The following THRB variants were observed in gnomAD, a reference collection of about 807,000 sequenced individuals.
THRB encodes the protein nuclear receptor subfamily 1 group A member 2.
Under a neutral mutation model 47.8 loss-of-function variants are expected in THRB, and 12 were observed. The ratio of observed to expected loss-of-function variants is 0.25; its 90% CI spans 0.16 to 0.41. The LOEUF (loss-of-function observed/expected upper bound fraction) is 0.41, where lower values mean the gene tolerates loss of function less well. Among genes scored for constraint, THRB ranks in the 10% least tolerant of loss-of-function variants. The pLI is 1.00. For missense variants in THRB, 348 were observed against 589.2 expected (o/e 0.59, Z 4.24); for synonymous variants, 218 against 212.2 (o/e 1.03, Z -0.24).
chr3:24,263,687 A>G (rs1179929496), intron 3 of THRB, among the ~76,000 whole-genome samples: 1 of 151,840 alleles, frequency 6.6e-6, no homozygotes, highest in African/African-American at 2.4e-5. Flanking sequence ...CACTCAATAA[A>G]CATTTATAGA....
At chr3:24,290,101 T>C (rs1476589995) in intron 3 of THRB, among the ~76,000 whole-genome samples, 3 of 152,200 alleles carry the variant, frequency 2.0e-5, no homozygotes, top group Non-Finnish European at 4.4e-5. Flanking sequence ...CAGAGACATG[T>C]TTGCAAGGCA....
chr3:24,428,346 T>C (rs1261158109), intron 1 of THRB, among the ~76,000 whole-genome samples: 4 of 151,992 alleles, frequency 2.6e-5, no homozygotes, highest in Non-Finnish European at 5.9e-5. Context: ...CCTACAGAGA[T>C]TGGCTAAAGA....
intron 2 of THRB, among the ~76,000 whole-genome samples, chr3:24,306,682 G>A (rs1239585997): frequency 6.6e-6 from 1 of 152,060 alleles, no homozygotes; most frequent in Non-Finnish European, 1.5e-5. Context: ...GAAACAAAGT[G>A]TTAGGCTTAC....
chr3:24,332,861 C>T (rs1398298806), intron 2 of THRB, among the ~76,000 whole-genome samples: 2 of 152,078 alleles, frequency 1.3e-5, no homozygotes, highest in African/African-American at 4.8e-5. Context: ...TCGAGACCAT[C>T]CTGGCTAACA....
Position 24,188,886 on chromosome 3 carries a change from A to ATATATATATATATATATATAT in THRB, c.283+1187_283+1188insATATATATATATATATATATA, listed in dbSNP as rs1559548533. ...ATATATATATATATATATATATATG[A>ATATATATATATATATATATAT]GAGAAAGAGAGTCCAAATACAAACC... On this transcript the variant is annotated intron_variant, in intron 5 of 10. Transcript: ENST00000646209. Among the ~76,000 whole-genome samples the ATATATATATATATATATATAT allele has an allele frequency of 7.3e-5, 5 of 68,284 alleles. No individual in the cohort carries two copies. The South Asian group carries it at 1.4e-3, about 19-fold the overall frequency. 44.8% of individuals were successfully genotyped at this position (68,284 alleles called of 152,430 possible).
chr3:24,127,950 T>C (rs904166318), intron 9 of THRB, among the ~76,000 whole-genome samples, 193 bp from the exon 10 acceptor site: 1 of 152,246 alleles, frequency 6.6e-6, no homozygotes, highest in African/African-American at 2.4e-5. Context: ...CAAAGTTGAC[T>C]GTAATCTTCA....
chr3:24,245,385 A>G (rs2050007922), intron 3 of THRB, among the ~76,000 whole-genome samples: 1 of 152,046 alleles, frequency 6.6e-6, no homozygotes, highest in Non-Finnish European at 1.5e-5. Context: ...ACTAAGCCCC[A>G]CCCCTTTCCT....
chr3:24,462,159 T>C (rs2073758182), intron 1 of THRB, among the ~76,000 whole-genome samples: 1 of 138,980 alleles, frequency 7.2e-6, no homozygotes, highest in African/African-American at 2.5e-5. Flanking sequence ...TAGAACATAA[T>C]GGCTAAAAAA....
intron 2 of THRB, among the ~76,000 whole-genome samples, chr3:24,302,686 C>T (rs924665805): frequency 3.3e-5 from 5 of 152,192 alleles, no homozygotes; most frequent in South Asian, 2.1e-4. Context: ...TCCAGTCCAT[C>T]GGCTAAGCAT....
intron 3 of THRB, among the ~76,000 whole-genome samples, chr3:24,235,206 C>G (rs188566289): frequency 6.6e-6 from 1 of 152,312 alleles, no homozygotes; most frequent in East Asian, 1.9e-4. Flanking sequence ...TAGACCAGTG[C>G]CAGAGAGAAC....
intron 1 of THRB, among the ~76,000 whole-genome samples, chr3:24,466,265 C>A (rs193050703): frequency 2.9e-4 from 44 of 151,484 alleles, no homozygotes; most frequent in Non-Finnish European, 4.6e-4. Flanking sequence ...GTTTTTTTTC[C>A]TCTTATTTAC....
intron 1 of THRB, chr3:24,459,410 GC>G (rs1291851109): frequency 3.9e-5 from 6 of 152,186 alleles, no homozygotes; most frequent in African/African-American, 1.4e-4. Flanking sequence ...TGCGAGTAGT[GC>G]TGCAATGAAC....
intron 1 of THRB, among the ~76,000 whole-genome samples, chr3:24,472,661 T>C (rs1468540875): frequency 6.6e-6 from 1 of 152,196 alleles, no homozygotes; most frequent in African/African-American, 2.4e-5. Flanking sequence ...CCCTAATTCC[T>C]GAGGACCTGA....
chr3:24,144,414 C>T (rs776132133), intron 7 of THRB: 2 of 152,694 alleles, frequency 1.3e-5, no homozygotes, highest in Non-Finnish European at 1.5e-5. Context: ...AGCTGTGTGA[C>T]CTCTGGCAAG....
intron 4 of THRB, among the ~76,000 whole-genome samples, chr3:24,198,115 G>A (rs1418659796): frequency 2.0e-5 from 3 of 152,202 alleles, no homozygotes; most frequent in Non-Finnish European, 4.4e-5. Context: ...ACTTTTAACA[G>A]TAGCCTGAAG....
chr3:24,253,697 G>T (rs2050902631), intron 3 of THRB, among the ~76,000 whole-genome samples: 1 of 152,090 alleles, frequency 6.6e-6, no homozygotes, highest in South Asian at 2.1e-4. Context: ...ATTTGTACTG[G>T]AAATCTCCTG....
intron 1 of THRB, among the ~76,000 whole-genome samples, chr3:24,450,144 A>C (rs1028719241): frequency 1.3e-5 from 2 of 152,180 alleles, no homozygotes; most frequent in African/African-American, 4.8e-5. Flanking sequence ...TACAATTAAA[A>C]ATCTCGTTTA....
At chr3:24,131,894 C>G (rs543103833) in intron 9 of THRB, among the ~76,000 whole-genome samples, 1 of 152,300 alleles carries the variant, frequency 6.6e-6, no homozygotes, top group East Asian at 1.9e-4. Context: ...ACACCTGGCC[C>G]CCACCACAGT....
chr3:24,209,992 C>T (rs1477996823), intron 4 of THRB, among the ~76,000 whole-genome samples: 1 of 152,152 alleles, frequency 6.6e-6, no homozygotes, highest in Non-Finnish European at 1.5e-5. Flanking sequence ...CTACAGATGA[C>T]AGCTTCTGTG....
Sources: gnomAD v4.1 joint callset for allele counts (sites outside exome capture counted in the v4.1 genomes callset) on GRCh38, gnomAD v4.1.1 for gene constraint, MANE v1.5 for transcripts, NCBI Gene and HGNC (gene_info 2026-07-23, HGNC 2026-07-21) for gene names.